The following RBFOX1 variants were observed in gnomAD, a reference collection of about 807,000 sequenced individuals.
RBFOX1 encodes RNA binding fox-1 homolog 1.
Under a neutral mutation model 57.7 loss-of-function variants are expected in RBFOX1, and 8 were observed. The observed-to-expected ratio is 0.14, with a 90% confidence interval of 0.08 to 0.25. RBFOX1 has a LOEUF of 0.25. Ranked by LOEUF, RBFOX1 falls within the 10% of genes least tolerant of loss-of-function variation. The pLI is 1.00. For synonymous variants in RBFOX1, 326 were observed against 222.4 expected (o/e 1.47, Z -4.15); for missense variants, 611 against 548.5 (o/e 1.11, Z -1.14).
At chr16:6,808,204 C>T (rs1201109347) in intron 3 of RBFOX1, among the ~76,000 whole-genome samples, 2 of 143,646 alleles carry the variant, frequency 1.4e-5, no homozygotes, top group African/African-American at 2.7e-5. Context: ...ATATATAGTT[C>T]TATTGAAGTA....
intron 3 of RBFOX1, among the ~76,000 whole-genome samples, chr16:6,678,417 C>T (rs558307001): frequency 2.0e-5 from 3 of 152,000 alleles, no homozygotes; most frequent in Non-Finnish European, 4.4e-5. Context: ...AGCCGCTGCA[C>T]CTGGCCAAAA....
chr16:5,941,278 C>T (rs1226483150), intron 4 of RBFOX1, among the ~76,000 whole-genome samples: 3 of 151,736 alleles, frequency 2.0e-5, no homozygotes, highest in Non-Finnish European at 4.4e-5. Flanking sequence ...TGGATTGAGG[C>T]CAGGAGTTCA....
chr16:7,028,633 A>G (rs1164678938), intron 3 of RBFOX1, among the ~76,000 whole-genome samples: 1 of 145,418 alleles, frequency 6.9e-6, no homozygotes, highest in African/African-American at 2.6e-5. Flanking sequence ...AAAAAAAAAA[A>G]AATTGAACCA....
intron 3 of RBFOX1, among the ~76,000 whole-genome samples, chr16:6,931,882 T>G (rs2076619568): frequency 6.6e-6 from 1 of 152,118 alleles, no homozygotes; most frequent in Non-Finnish European, 1.5e-5. Context: ...GTATAAGGCA[T>G]CACATGGCAA....
intron 4 of RBFOX1, among the ~76,000 whole-genome samples, chr16:7,473,020 A>G (rs532108827): frequency 1.3e-5 from 2 of 152,228 alleles, no homozygotes; most frequent in South Asian, 4.1e-4. Flanking sequence ...CACAGTCCTT[A>G]TATTCAAAAA....
chr16:7,286,681 T>C (rs900364485), intron 4 of RBFOX1, among the ~76,000 whole-genome samples: 1 of 146,276 alleles, frequency 6.8e-6, no homozygotes, highest in Non-Finnish European at 1.5e-5. Context: ...TGGAGTGCAG[T>C]GGCGAGATCT....
At chr16:7,336,701 T>G (rs2096795016) in intron 4 of RBFOX1, among the ~76,000 whole-genome samples, 1 of 152,236 alleles carries the variant, frequency 6.6e-6, no homozygotes, top group Admixed American at 6.5e-5. Context: ...GCTAAACACT[T>G]AGATTTAGGA....
intron 5 of RBFOX1, among the ~76,000 whole-genome samples, chr16:7,568,886 A>AAC: frequency 6.7e-6 from 1 of 149,750 alleles, no homozygotes. Context: ...CTGTCTCAAA[A>AAC]AAAAAAAAAA....
At chr16:6,769,448 C>G (rs1012027257) in intron 3 of RBFOX1, among the ~76,000 whole-genome samples, 6 of 152,204 alleles carry the variant, frequency 3.9e-5, no homozygotes, top group African/African-American at 1.2e-4. Flanking sequence ...AGCTACATCT[C>G]CACTGCAACA....
intron 3 of RBFOX1, among the ~76,000 whole-genome samples, chr16:6,954,393 G>A (rs1281352001): frequency 2.0e-5 from 3 of 152,102 alleles, no homozygotes; most frequent in Non-Finnish European, 4.4e-5. Flanking sequence ...ATGCATAGAT[G>A]TGTCCCTCGT....
At chr16:5,577,436 T>C (rs367987259) in intron 2 of RBFOX1, among the ~76,000 whole-genome samples, 1 of 152,150 alleles carries the variant, frequency 6.6e-6, no homozygotes, top group Non-Finnish European at 1.5e-5. Flanking sequence ...GGCATTTTAG[T>C]GGGAAAAATG....
intron 3 of RBFOX1, among the ~76,000 whole-genome samples, chr16:6,744,325 G>A (rs979156561): frequency 1.3e-5 from 2 of 152,020 alleles, no homozygotes; most frequent in African/African-American, 4.8e-5. Context: ...ATATAGATTT[G>A]AATAGTAGTA....
intron 3 of RBFOX1, among the ~76,000 whole-genome samples, chr16:6,749,167 C>A (rs751085520): frequency 4.5e-4 from 68 of 152,286 alleles, no homozygotes; most frequent in Admixed American, 2.7e-3. Flanking sequence ...AAGTTATGGT[C>A]TCAGGCAGAT....
intron 2 of RBFOX1, among the ~76,000 whole-genome samples, chr16:6,489,158 A>T (rs529492342): frequency 1.3e-5 from 2 of 152,306 alleles, no homozygotes; most frequent in South Asian, 4.1e-4. Flanking sequence ...CTGGAAAATG[A>T]AATTTCTTTC....
chr16:6,966,827 C>T (rs1409530993), intron 3 of RBFOX1, among the ~76,000 whole-genome samples: 4 of 149,402 alleles, frequency 2.7e-5, no homozygotes, highest in Admixed American at 2.0e-4. Flanking sequence ...GTCTATCTAT[C>T]TGTCTATCTA....
At chr16:5,725,346 G>C (rs1010960993) in intron 3 of RBFOX1, among the ~76,000 whole-genome samples, 2 of 152,004 alleles carry the variant, frequency 1.3e-5, no homozygotes, top group African/African-American at 2.4e-5. Flanking sequence ...TTGGCTCAAG[G>C]GGTCCTCCTG....
intron 3 of RBFOX1, among the ~76,000 whole-genome samples, chr16:5,662,788 T>G (rs1396875163): frequency 1.3e-5 from 2 of 152,248 alleles, no homozygotes; most frequent in African/African-American, 4.8e-5. Flanking sequence ...GTTCACTGTT[T>G]AGTCCCCTCC....
intron 4 of RBFOX1, among the ~76,000 whole-genome samples, chr16:7,131,406 C>T (rs907227670): frequency 7.1e-6 from 1 of 140,902 alleles, no homozygotes; most frequent in South Asian, 2.3e-4. Flanking sequence ...TTAGTCAGTG[C>T]CTACTTATGT....
At chr16:5,479,601 A>G (rs898170767) in intron 2 of RBFOX1, among the ~76,000 whole-genome samples, 1 of 150,562 alleles carries the variant, frequency 6.6e-6, no homozygotes, top group African/African-American at 2.5e-5. Flanking sequence ...TCTTCTAAAA[A>G]TACAAAAATT....
Sources: gnomAD v4.1 joint callset for allele counts (sites outside exome capture counted in the v4.1 genomes callset) on GRCh38, gnomAD v4.1.1 for gene constraint, MANE v1.5 for transcripts, NCBI Gene and HGNC (gene_info 2026-07-23, HGNC 2026-07-21) for gene names.